HECW2: variants seen among roughly 807,000 people sequenced by gnomAD.
HECW2 encodes HECT, C2 and WW domain containing E3 ubiquitin protein ligase 2, also known as E3 ubiquitin-protein ligase HECW2.
HECW2 carries 61 observed loss-of-function variants against 175.2 expected under a neutral mutation model. That is an observed-to-expected ratio of 0.35 (90% CI 0.28 to 0.43). The LOEUF is 0.43. HECW2 is among the 20% of genes least tolerant of loss of function. HECW2 has a pLI of 1.00. For synonymous variants in HECW2, 671 were observed against 731.0 expected, an observed-to-expected ratio of 0.92 and a Z score of 1.32; for missense variants, 1,524 against 2,000.5, an observed-to-expected ratio of 0.76 and a Z score of 4.54.
intron 1 of HECW2, among the ~76,000 whole-genome samples, chr2:196,520,721 T>C (rs889314334): frequency 6.6e-6 from 1 of 152,154 alleles, no homozygotes; most frequent in African/African-American, 2.4e-5. Flanking sequence ...TCAAAACAGT[T>C]TTTCCACTGT....
chr2:196,451,736 T>C (rs948711768), intron 1 of HECW2, among the ~76,000 whole-genome samples: 1 of 151,942 alleles, frequency 6.6e-6, no homozygotes, highest in African/African-American at 2.4e-5. Flanking sequence ...CCGTCTCTAC[T>C]AAAAATACAA....
intron 1 of HECW2, among the ~76,000 whole-genome samples, chr2:196,579,066 T>C (rs1690667085): frequency 6.6e-6 from 1 of 152,204 alleles, no homozygotes; most frequent in African/African-American, 2.4e-5. Context: ...TGTATTACAA[T>C]GAGAGCAAAG....
At chr2:196,482,326 C>A (rs1686868926) in intron 1 of HECW2, among the ~76,000 whole-genome samples, 1 of 152,214 alleles carries the variant, frequency 6.6e-6, no homozygotes, top group African/African-American at 2.4e-5. Context: ...CGGGCCTGAG[C>A]CAGGCATCTC....
intron 1 of HECW2, among the ~76,000 whole-genome samples, chr2:196,488,938 T>C (rs564044333): frequency 5.5e-4 from 83 of 152,154 alleles, no homozygotes; most frequent in African/African-American, 1.9e-3. Flanking sequence ...ATGCATAAAA[T>C]GCATACATAG....
At chr2:196,451,446 A>G (rs897445094) in intron 1 of HECW2, among the ~76,000 whole-genome samples, 9 of 130,818 alleles carry the variant, frequency 6.9e-5, no homozygotes, top group African/African-American at 2.0e-4. Flanking sequence ...AAAAAAAAAA[A>G]AAAGAAAAGA....
rs780437520 is a variant in HECW2 at position 196,306,541 on chromosome 2, G to A, written c.2761C>T (p.Pro921Ser). The A allele has an allele frequency of 3.7e-6, 6 of 1,612,856 alleles. No individual in the cohort carries two copies. Among genetic ancestry groups the A allele is most frequent in the Non-Finnish European group, 5.1e-6 (6 of 1,179,448 alleles). The part of the protein sequence containing the change: ...SRITLLLQSP[P>S]VKFLISPEFF... ...TCTGGGCTGATGAGGAACTTCACGG[G>A]GGGAGACTGTAACAGCAACGTGATC... The change falls in exon 13 of 29, where the codon CCC (proline) becomes TCC (serine). Residue 921 changes from proline (P) to serine (S), a missense_variant. Coordinates refer to ENST00000644978, the MANE Select transcript of HECW2 (RefSeq NM_001348768.2).
intron 1 of HECW2, among the ~76,000 whole-genome samples, chr2:196,546,633 C>G (rs1270306053): frequency 1.3e-5 from 2 of 152,074 alleles, no homozygotes; most frequent in East Asian, 3.8e-4. Context: ...GCTTGACCTA[C>G]CTAAAGGTTT....
At chr2:196,239,670 TG>T (rs916024547) in intron 21 of HECW2, 4 of 152,004 alleles carry the variant, frequency 2.6e-5, no homozygotes, top group African/African-American at 9.7e-5. Context: ...CTCTAGCAGC[TG>T]CTGAGTTATG....
chr2:196,531,342 A>C (rs1187566184), intron 1 of HECW2, among the ~76,000 whole-genome samples: 3 of 152,164 alleles, frequency 2.0e-5, no homozygotes, highest in African/African-American at 4.8e-5. Flanking sequence ...GTACTTTAAC[A>C]AATACACTAA....
At position 196,240,529 on chromosome 2, in the gene HECW2, A is replaced by G. The variant is rs906908096; in HGVS notation, c.3684T>C (p.Asp1228=). The G allele has an allele frequency of 8.7e-6, 14 of 1,610,984 alleles. No homozygotes were observed. The African/African-American group carries it at 1.1e-4, about 12-fold the overall frequency. ...LIIRRDHLLE[D]AFNQIMGYSR... ...AGTAGCCCATAATCTGATTAAAAGCATCTTCTAGTAAGTGATCTCTTCGGA... is the reference window on the plus strand; with the variant it reads ...AGTAGCCCATAATCTGATTAAAAGCGTCTTCTAGTAAGTGATCTCTTCGGA... The change falls in exon 21 of 29, where the codon GAT becomes GAC. Residue 1228 remains aspartate (D), a synonymous_variant. Transcript: ENST00000644978.
Position 196,353,125 on chromosome 2 carries a change from C to T in HECW2, c.293-9361G>A, listed in dbSNP as rs368556460. Among the ~76,000 whole-genome samples, 74 of 152,278 alleles carry T rather than the reference C, an allele frequency of 4.9e-4. 1 individual carries two copies. The South Asian group carries it at 0.015, about 30-fold the overall frequency. On this transcript the variant is annotated intron_variant, in intron 2 of 28. Transcript: ENST00000644978. ...GCCTCGCTCCTTACCCCCTTCCAGC[C>T]ACATTGACCTCCCTGATGTCCCCAA...
intron 7 of HECW2, among the ~76,000 whole-genome samples, chr2:196,322,142 T>G (rs943323215): frequency 6.6e-6 from 1 of 152,174 alleles, no homozygotes; most frequent in African/African-American, 2.4e-5. Context: ...TAGGATAAGG[T>G]AGGCATCAAC....
At chr2:196,213,514 C>T (rs778407266) in intron 28 of HECW2, among the ~76,000 whole-genome samples, 6 of 152,156 alleles carry the variant, frequency 3.9e-5, no homozygotes, top group Non-Finnish European at 8.8e-5. Flanking sequence ...AGCCAAGTAA[C>T]TCTTTCTTCT....
At chr2:196,408,033 C>T (rs1204911007) in intron 2 of HECW2, among the ~76,000 whole-genome samples, 1 of 152,192 alleles carries the variant, frequency 6.6e-6, no homozygotes, top group Non-Finnish European at 1.5e-5. Context: ...TCACACCATC[C>T]AGCACCTTCT....
intron 3 of HECW2, 134 bp from the exon 4 acceptor site, chr2:196,334,652 C>T (rs906018282): frequency 2.2e-5 from 15 of 671,196 alleles, no homozygotes; most frequent in African/African-American, 2.0e-4. Flanking sequence ...TTCCACTCAG[C>T]GCCAACAAAT....
intron 17 of HECW2, among the ~76,000 whole-genome samples, chr2:196,259,455 G>A (rs897473115): frequency 1.3e-5 from 2 of 152,206 alleles, no homozygotes; most frequent in African/African-American, 4.8e-5. Flanking sequence ...ACAGAGTTCA[G>A]TCCTTGGTTT....
At chr2:196,454,027 T>C (rs980701812) in intron 1 of HECW2, among the ~76,000 whole-genome samples, 1 of 152,174 alleles carries the variant, frequency 6.6e-6, no homozygotes. Context: ...TTGTTTGTTT[T>C]TGAGACAGAG....
chr2:196,476,300 C>T lies in HECW2; in HGVS notation c.-35-42842G>A, dbSNP rs191365921. Among the ~76,000 whole-genome samples, 1,397 of 152,060 alleles carry T rather than the reference C, an allele frequency of 9.2e-3. 9 individuals carry two copies. The highest frequency in any genetic ancestry group is 0.031 in the South Asian group (149 of 4,804). On this transcript the variant is annotated intron_variant, in intron 1 of 28. Coordinates refer to ENST00000644978, the MANE Select transcript of HECW2 (RefSeq NM_001348768.2). Reference sequence around the variant, plus strand: ...CTCTACTGAAAATACAAAACTTAGCCGGGTGTGGTGGCGCATGCCTGTGGT... The same window carrying T: ...CTCTACTGAAAATACAAAACTTAGCTGGGTGTGGTGGCGCATGCCTGTGGT...
At chr2:196,475,449 G>A (rs1451842605) in intron 1 of HECW2, among the ~76,000 whole-genome samples, 3 of 151,554 alleles carry the variant, frequency 2.0e-5, no homozygotes, top group Non-Finnish European at 2.9e-5. Flanking sequence ...AAAGGAGGGC[G>A]GCTCACATAA....
Sources: allele counts gnomAD v4.1 joint callset (sites outside exome capture counted in the v4.1 genomes callset), GRCh38; gene constraint gnomAD v4.1.1; transcripts MANE v1.5; gene names NCBI Gene and HGNC (gene_info 2026-07-23, HGNC 2026-07-21).